The following TXK variants were observed in gnomAD, a reference collection of about 807,000 sequenced individuals.
TXK encodes the protein tyrosine-protein kinase TXK.
TXK carries 60 observed loss-of-function variants against 81.0 expected under a neutral mutation model. The ratio of observed to expected loss-of-function variants is 0.74; its 90% CI spans 0.60 to 0.92. The LOEUF (loss-of-function observed/expected upper bound fraction) is 0.92. Among genes scored for constraint, TXK ranks in the 40% least tolerant of loss-of-function variants. The pLI, the probability that TXK is intolerant of heterozygous loss-of-function variation, is 0.00. For missense variants in TXK, 581 were observed against 638.3 expected (o/e 0.91, Z 0.97); for synonymous variants, 203 against 210.7 (o/e 0.96, Z 0.32).
At chr4:48,072,300 G>T (rs1022438643) in intron 13 of TXK, among the ~76,000 whole-genome samples, 1 of 152,138 alleles carries the variant, frequency 6.6e-6, no homozygotes, top group Non-Finnish European at 1.5e-5. Flanking sequence ...ATCACGCCCG[G>T]CCTAGCATTT....
rs1560340128 is a variant in TXK, at chr4:48,076,388, T to TAC, written c.1238+12_1238+13dup. 6.4e-7 allele frequency: 1 copy of TAC among 1,567,422 alleles called. No homozygotes were observed. The highest frequency in any genetic ancestry group is 8.7e-7 in the Non-Finnish European group (1 of 1,143,710). ...CAAACAAACAAAATACATATATATA[T>TAC]ACATAGCATGTACCTTGTCATTCCA... On this transcript the variant is annotated intron_variant, in intron 12 of 14. Coordinates refer to ENST00000264316, the MANE Select transcript of TXK (RefSeq NM_003328.3).
intron 10 of TXK, among the ~76,000 whole-genome samples, chr4:48,082,581 G>A (rs1316293952): frequency 1.3e-5 from 2 of 152,132 alleles, no homozygotes; most frequent in African/African-American, 4.8e-5. Flanking sequence ...AGGAGACAGG[G>A]AAATACTGGG....
intron 9 of TXK, among the ~76,000 whole-genome samples, chr4:48,088,419 C>T (rs556232472): frequency 2.0e-4 from 30 of 152,180 alleles, no homozygotes; most frequent in African/African-American, 4.8e-4. Context: ...GGTAACAACC[C>T]GAATGGCCAT....
chr4:48,070,240 G>A (rs1716783097), intron 14 of TXK, among the ~76,000 whole-genome samples: 1 of 152,180 alleles, frequency 6.6e-6, no homozygotes, highest in African/African-American at 2.4e-5. Flanking sequence ...GGGGTGTGTT[G>A]AGTCAGTGCC....
At chr4:48,071,151 C>T (rs1307215676) in intron 14 of TXK, among the ~76,000 whole-genome samples, 3 of 152,094 alleles carry the variant, frequency 2.0e-5, no homozygotes, top group Non-Finnish European at 2.9e-5. Flanking sequence ...CCACCCGCCT[C>T]GGCCTCCCAA....
chr4:48,086,818 T>C (rs1308959331), intron 9 of TXK, among the ~76,000 whole-genome samples, 181 bp from the exon 10 acceptor site: 1 of 152,208 alleles, frequency 6.6e-6, no homozygotes, highest in Non-Finnish European at 1.5e-5. Context: ...AGGACTCAAG[T>C]TTCAAAACAC....
At position 48,067,448 on chromosome 4, in the gene TXK, C is replaced by T; in HGVS notation, c.*189G>A. The stretch of plus-strand genomic sequence containing the variant: ...TAAGAGTGTGCAAATCCCTCTCACA[C>T]ATAGAAAAACGATTGTGTGAATATT... On this transcript the variant is annotated 3_prime_UTR_variant, in exon 15 of 15. Transcript: ENST00000264316. The T allele has an allele frequency of 5.1e-6, 3 of 593,606 alleles. No individual in the cohort carries two copies. The highest frequency in any genetic ancestry group is 8.9e-6 in the Non-Finnish European group (3 of 338,392). 36.8% of individuals were successfully genotyped at this position (593,606 alleles called of 1,614,324 possible).
intron 8 of TXK, among the ~76,000 whole-genome samples, chr4:48,092,137 G>A (rs1286652188): frequency 2.6e-5 from 4 of 152,192 alleles, no homozygotes; most frequent in Non-Finnish European, 5.9e-5. Flanking sequence ...AATGGTGTAA[G>A]ATGAAGCATC....
intron 6 of TXK, among the ~76,000 whole-genome samples, chr4:48,104,220 ATT>A (rs1417283039): frequency 2.2e-5 from 1 of 46,278 alleles, no homozygotes; most frequent in African/African-American, 1.2e-4. Context: ...ATATATATAT[ATT>A]ATATATTATA....
intron 4 of TXK, 109 bp downstream of exon 4, chr4:48,112,198 G>T: frequency 9.8e-7 from 1 of 1,019,614 alleles, no homozygotes; most frequent in Non-Finnish European, 1.5e-6. Flanking sequence ...TGGGGGAGAG[G>T]GGACAGATTC....
Position 48,066,725 on chromosome 4 carries a change from T to G in TXK, c.*912A>C, listed in dbSNP as rs1716617543. ...AGGCAAAGTTAAGATTTAACTGTGATTGCTGGTTGTTTCATCTCGAATTCA... is the reference window on the plus strand; with the variant it reads ...AGGCAAAGTTAAGATTTAACTGTGAGTGCTGGTTGTTTCATCTCGAATTCA... On this transcript the variant is annotated 3_prime_UTR_variant, in exon 15 of 15. Transcript: ENST00000264316. 1 of 152,224 alleles carries G rather than the reference T, an allele frequency of 6.6e-6. No homozygotes were observed. The highest frequency in any genetic ancestry group is 2.1e-4 in the South Asian group (1 of 4,832). 9.4% of individuals were successfully genotyped at this position (152,224 alleles called of 1,614,324 possible). A position where few individuals can be genotyped will look rare whatever the true frequency, so the allele number is the denominator to read the frequency against.
chr4:48,111,911 A>T (rs1468570159), intron 4 of TXK, among the ~76,000 whole-genome samples: 1 of 152,262 alleles, frequency 6.6e-6, no homozygotes, highest in East Asian at 1.9e-4. Context: ...TCATTCTAGA[A>T]ACATAAAAGT....
chr4:48,077,275 A>AAACTG (rs56678575), intron 11 of TXK, among the ~76,000 whole-genome samples: 96 of 151,832 alleles, frequency 6.3e-4, no homozygotes, highest in African/African-American at 2.3e-3. Context: ...TCATGTAGGT[A>AAACTG]GATAAACTAT....
intron 10 of TXK, among the ~76,000 whole-genome samples, chr4:48,085,063 T>A (rs1717468295): frequency 6.6e-6 from 1 of 152,212 alleles, no homozygotes. Flanking sequence ...GCATTGCTGT[T>A]CCTCTAAATA....
chr4:48,083,141 C>T (rs547439123), intron 10 of TXK, among the ~76,000 whole-genome samples: 12 of 152,340 alleles, frequency 7.9e-5, no homozygotes, highest in Non-Finnish European at 1.5e-4. Context: ...CACACTACAA[C>T]GCAGACCCAC....
intron 6 of TXK, among the ~76,000 whole-genome samples, chr4:48,097,811 C>T (rs1359143482): frequency 6.7e-6 from 1 of 149,464 alleles, no homozygotes; most frequent in Non-Finnish European, 1.5e-5. Context: ...GCAGTGGCGC[C>T]ATCTCGGCTC....
At chr4:48,083,167 T>C (rs1717376181) in intron 10 of TXK, among the ~76,000 whole-genome samples, 1 of 152,208 alleles carries the variant, frequency 6.6e-6, no homozygotes. Context: ...CTTTGGGAGT[T>C]GCAGACACCC....
In TXK at chr4:48,086,576, A is replaced by C. The variant is rs757690483; in HGVS notation, c.846T>G (p.Phe282Leu). ...AFIKEIGSGQ[F>L]GVVHLGEWRS... Reference sequence around the variant, plus strand: ...GCCATTCACCTAAATGGACCACTCCAAACTGACCGCTTCCAATCTCCTTTA... The same window carrying C: ...GCCATTCACCTAAATGGACCACTCCCAACTGACCGCTTCCAATCTCCTTTA... The change falls in exon 10 of 15, where the codon TTT becomes TTG. Residue 282 changes from phenylalanine (F) to leucine (L), a missense_variant. Phe to Leu is a conservative substitution (Grantham distance 22). Transcript: ENST00000264316. 1 of 1,614,160 alleles carries C rather than the reference A, an allele frequency of 6.2e-7. No homozygotes were observed. The highest frequency in any genetic ancestry group is 8.5e-7 in the Non-Finnish European group (1 of 1,179,988).
Position 48,067,687 on chromosome 4 carries a change from T to A in TXK, c.1534A>T (p.Thr512Ser). ...ACAGCCCGCAGCAGCTCGGCAAATG[T>A]AGGGCGGCCTTCAGGTTTCTGGAAA... ...CWHEKPEGRP[T>S]FAELLRAVTE... is the part of the protein sequence containing the mutation. The change falls in exon 15 of 15, where the codon ACA (threonine) becomes TCA (serine). Residue 512 changes from threonine to serine, a missense_variant. Coordinates refer to ENST00000264316, the MANE Select transcript of TXK (RefSeq NM_003328.3). 1 of 1,614,090 alleles carries A rather than the reference T, an allele frequency of 6.2e-7. No individual in the cohort carries two copies. The highest frequency in any genetic ancestry group is 1.3e-5 in the African/African-American group (1 of 75,042).
Sources: allele counts gnomAD v4.1 joint callset (sites outside exome capture counted in the v4.1 genomes callset), GRCh38; gene constraint gnomAD v4.1.1; transcripts MANE v1.5; gene names NCBI Gene and HGNC (gene_info 2026-07-23, HGNC 2026-07-21).